KMT5A: variants seen among roughly 807,000 people sequenced by gnomAD.
KMT5A encodes the protein N-lysine methyltransferase KMT5A.
KMT5A carries 6 observed loss-of-function variants against 40.6 expected under a neutral mutation model. That is an observed-to-expected ratio of 0.15 (90% confidence interval 0.08 to 0.29). KMT5A has a LOEUF of 0.29. Among genes scored for constraint, KMT5A ranks in the 10% least tolerant of loss-of-function variants. The pLI is 1.00. For synonymous variants in KMT5A, 153 were observed against 178.8 expected, an observed-to-expected ratio of 0.86 and a Z score of 1.15; for missense variants, 308 against 459.1, an observed-to-expected ratio of 0.67 and a Z score of 3.01.
Position 123,403,613 on chromosome 12 carries a change from G to A in KMT5A, c.638G>A (p.Gly213Glu), listed in dbSNP as rs769696012. 4 of 1,614,210 alleles carry A rather than the reference G, an allele frequency of 2.5e-6. No homozygotes were observed. The highest frequency in any genetic ancestry group is 3.4e-6 in the Non-Finnish European group (4 of 1,180,020). The change falls in exon 6 of 8, where the codon GGG becomes GAG. Residue 213 changes from glycine (G) to glutamate (E), a missense_variant. This residue lies in a region of KMT5A where 77 missense variants were observed against 220.0 expected (regional missense o/e 0.35). Coordinates refer to ENST00000402868, the MANE Select transcript of KMT5A (RefSeq NM_020382.7). ...AGAATAGATGAATTGATTGAAAGTGGGAAGGAAGAAGGAATGAAGGTAAGG... is the reference window on the plus strand; with the variant it reads ...AGAATAGATGAATTGATTGAAAGTGAGAAGGAAGAAGGAATGAAGGTAAGG... ...RKRIDELIES[G>E]KEEGMKIDLI... is the part of the protein sequence containing the mutation.
chr12:123,386,655 G>C (rs1876890824), intron 1 of KMT5A, among the ~76,000 whole-genome samples: 2 of 152,088 alleles, frequency 1.3e-5, no homozygotes, highest in Non-Finnish European at 2.9e-5. Flanking sequence ...CAGATGCCAG[G>C]CAACACCTCA....
intron 1 of KMT5A, among the ~76,000 whole-genome samples, chr12:123,385,815 G>A (rs1566070428): frequency 6.6e-6 from 1 of 152,044 alleles, no homozygotes; most frequent in African/African-American, 2.4e-5. Context: ...TTACGTCACC[G>A]CACTCCAGCA....
At chr12:123,400,533 G>A (rs1457558998) in intron 5 of KMT5A, among the ~76,000 whole-genome samples, 1 of 150,598 alleles carries the variant, frequency 6.6e-6, no homozygotes, top group African/African-American at 2.4e-5. Flanking sequence ...GCTAATTTTT[G>A]TGTTTTTAGT....
intron 1 of KMT5A, among the ~76,000 whole-genome samples, chr12:123,385,817 A>G (rs1876842736): frequency 6.6e-6 from 1 of 152,118 alleles, no homozygotes; most frequent in Non-Finnish European, 1.5e-5. Flanking sequence ...ACGTCACCGC[A>G]CTCCAGCATG....
In KMT5A at chr12:123,384,169, G is replaced by A. The variant is rs765318571; in HGVS notation, c.-30G>A. Reference sequence around the variant, plus strand: ...CTTTTTTCGAAAGCTGGGTTTCCCGGGAGATCCCAGGCGGTGACAGAGTGG... The same window carrying A: ...CTTTTTTCGAAAGCTGGGTTTCCCGAGAGATCCCAGGCGGTGACAGAGTGG... On this transcript the variant is annotated 5_prime_UTR_variant, in exon 1 of 8. Transcript: ENST00000402868. The surrounding 1 kb of genome is among the most constrained non-coding windows in gnomAD (Gnocchi z 5.7). 5.0e-6 allele frequency: 8 copies of A among 1,613,542 alleles called. 1 individual carries two copies. In the East Asian group the frequency reaches 6.7e-5, roughly 13 times the overall value.
intron 1 of KMT5A, chr12:123,388,743 C>CGGGCGGGCTGGCGGGA (rs1275038466): frequency 8.7e-5 from 7 of 80,192 alleles, no homozygotes; most frequent in African/African-American, 2.9e-4. Context: ...AAAAAGGAGC[C>CGGGCGGGCTGGCGGGA]GGGCGGGCTG....
intron 1 of KMT5A, among the ~76,000 whole-genome samples, chr12:123,385,037 TAA>T (rs78382385): frequency 1.4e-5 from 2 of 142,970 alleles, no homozygotes; most frequent in Non-Finnish European, 1.5e-5. Flanking sequence ...GAATTAGTAT[TAA>T]AAAAAAAAAA....
At chr12:123,401,370 G>A (rs13303208) in intron 5 of KMT5A, among the ~76,000 whole-genome samples, 90,884 of 150,172 alleles carry the variant, frequency 0.61, 28,840 homozygotes, top group East Asian at 0.7. Context: ...GGATGGTCTC[G>A]ATCTCCTGAC....
At chr12:123,386,878 C>G (rs1369558521) in intron 1 of KMT5A, among the ~76,000 whole-genome samples, 1 of 151,836 alleles carries the variant, frequency 6.6e-6, no homozygotes, top group Admixed American at 6.6e-5. Flanking sequence ...TTTTGGGAGA[C>G]AGAGTCTCAC....
chr12:123,395,907 A>T (rs1368842231), intron 4 of KMT5A, among the ~76,000 whole-genome samples: 1 of 152,098 alleles, frequency 6.6e-6, no homozygotes, highest in East Asian at 1.9e-4. Context: ...TCCAGGCTGG[A>T]GTGCAGTAGC....
At chr12:123,392,975 C>G (rs1212880074) in intron 3 of KMT5A, among the ~76,000 whole-genome samples, 1 of 152,124 alleles carries the variant, frequency 6.6e-6, no homozygotes, top group African/African-American at 2.4e-5. Context: ...CTCCCGGGTT[C>G]AAGCAATTAT....
Position 123,389,555 on chromosome 12 carries a change from G to A in KMT5A, c.132+1G>A. 1 of 1,088,572 alleles carries A rather than the reference G, an allele frequency of 9.2e-7. No homozygotes were observed. The allele number at this position is 1,088,572 out of a possible 1,614,324, so 67.4% of individuals were successfully genotyped here. ...CCCGGGGAGGCCCCGCACCGACGGG[G>A]TAAGCAGGCACCCTCCCCGCACCCC... On this transcript the variant is annotated splice_donor_variant, in intron 2 of 7. Transcript: ENST00000402868. LOFTEE classifies it high-confidence loss of function.
chr12:123,389,308 C>T, intron 1 of KMT5A, 125 bp from the exon 2 acceptor site: 1 of 564,576 alleles, frequency 1.8e-6, no homozygotes, highest in Non-Finnish European at 2.2e-6. Flanking sequence ...TCACCAGAGC[C>T]GGGGCCTCGA....
chr12:123,402,280 C>T (rs528717557), intron 5 of KMT5A, among the ~76,000 whole-genome samples: 24 of 152,242 alleles, frequency 1.6e-4, no homozygotes, highest in Admixed American at 5.2e-4. Context: ...GGGGCCGGAG[C>T]GGGGCCGGGG....
At chr12:123,400,648 C>T (rs932563211) in intron 5 of KMT5A, among the ~76,000 whole-genome samples, 43 of 151,900 alleles carry the variant, frequency 2.8e-4, no homozygotes, top group African/African-American at 8.2e-4. Context: ...TGTGAGCCAC[C>T]GCGCCTGGCC....
intron 3 of KMT5A, 173 bp downstream of exon 3, chr12:123,390,959 C>T: frequency 1.3e-6 from 1 of 741,826 alleles, no homozygotes; most frequent in Non-Finnish European, 2.1e-6. Flanking sequence ...GGGTGTGTGC[C>T]CTGTTGGTTT....
chr12:123,404,836 G>A, intron 6 of KMT5A, 48 bp from the exon 7 acceptor site: 1 of 1,568,584 alleles, frequency 6.4e-7, no homozygotes, highest in Non-Finnish European at 8.7e-7. Flanking sequence ...TGTGCACAGT[G>A]GCATCCATTG....
chr12:123,400,601 C>T (rs757074184), intron 5 of KMT5A, among the ~76,000 whole-genome samples: 6 of 151,754 alleles, frequency 4.0e-5, no homozygotes, highest in South Asian at 2.1e-4. Context: ...CCTTGTGATC[C>T]GCCCACCTTG....
intron 2 of KMT5A, 97 bp downstream of exon 2, chr12:123,389,651 C>T (rs1566072774): frequency 5.5e-6 from 5 of 915,368 alleles, no homozygotes; most frequent in East Asian, 1.0e-4. Context: ...GGCGCCCGGC[C>T]GGGCCGCTTC....
Sources: gnomAD v4.1 joint callset for allele counts (sites outside exome capture counted in the v4.1 genomes callset) on GRCh38, gnomAD v4.1.1 for gene constraint, gnomAD v4.1.1 regional missense constraint, Gnocchi (gnomAD v3.1) non-coding constraint, MANE v1.5 for transcripts, NCBI Gene and HGNC (gene_info 2026-07-23, HGNC 2026-07-21) for gene names.